Variants in ZNF571 observed in about 807,000 individuals in gnomAD.
ZNF571 encodes the protein zinc finger protein 571.
ZNF571 carries 4 observed loss-of-function variants against 7.7 expected under a neutral mutation model. The ratio of observed to expected loss-of-function variants is 0.52; its 90% confidence interval spans 0.25 to 1.18. ZNF571 has a LOEUF of 1.18. Ranked by LOEUF, ZNF571 falls within the 50% of genes most tolerant of loss-of-function variation. The pLI, the probability that ZNF571 is intolerant of heterozygous loss-of-function variation, is 0.14. For synonymous variants in ZNF571, 251 were observed against 232.4 expected, an observed-to-expected ratio of 1.08 and a Z score of -0.73; for missense variants, 704 against 726.9, an observed-to-expected ratio of 0.97 and a Z score of 0.36.
intron 3 of ZNF571, among the ~76,000 whole-genome samples, chr19:37,577,687 G>A (rs1408097037): frequency 3.9e-5 from 6 of 152,014 alleles, no homozygotes; most frequent in Non-Finnish European, 7.4e-5. Flanking sequence ...GGTGATAGCC[G>A]GCTATTCAGA....
intron 3 of ZNF571, among the ~76,000 whole-genome samples, chr19:37,575,186 C>T (rs950270110): frequency 6.6e-6 from 1 of 152,166 alleles, no homozygotes; most frequent in Non-Finnish European, 1.5e-5. Context: ...TATGTCAGTA[C>T]TGAGAAAATA....
chr19:37,565,948 A>G lies in ZNF571; in HGVS notation c.480T>C (p.Asn160=), dbSNP rs1308150292. 1.2e-6 allele frequency: 2 copies of G among 1,613,750 alleles called. No individual in the cohort carries two copies. Among genetic ancestry groups the G allele is most frequent in the African/African-American group, 1.3e-5 (1 of 75,012 alleles). The change falls in exon 4 of 4, where the codon AAT becomes AAC. Residue 160 remains asparagine (N), a synonymous_variant. Transcript: ENST00000451802. ...CTTCAGAGCATTTTTCTATATTATG[A>G]TTTTCCTCATGTTGAATAAGGCATG... ...YLSCLIQHEE[N]HNIEKCSEVK...
At chr19:37,582,723 AT>A (rs771355467) in intron 3 of ZNF571, among the ~76,000 whole-genome samples, 4 of 152,182 alleles carry the variant, frequency 2.6e-5, no homozygotes, top group Non-Finnish European at 4.4e-5. Flanking sequence ...AATCTTCAAA[AT>A]AACTCCATTA....
chr19:37,572,385 T>TGATGA (rs1370649441), intron 3 of ZNF571, among the ~76,000 whole-genome samples: 1 of 152,226 alleles, frequency 6.6e-6, no homozygotes, highest in African/African-American at 2.4e-5. Flanking sequence ...CTGAATAGTA[T>TGATGA]GATGAAATCT....
intron 1 of ZNF571, among the ~76,000 whole-genome samples, chr19:37,592,972 TATCTGGATCCAG>T (rs1235837072): frequency 6.6e-6 from 1 of 152,248 alleles, no homozygotes; most frequent in Non-Finnish European, 1.5e-5. Flanking sequence ...GTGTGGACTC[TATCTGGATCCAG>T]ATTTGAACAC....
chr19:37,573,006 ATGAT>A (rs1288891523), intron 3 of ZNF571, among the ~76,000 whole-genome samples: 1 of 152,142 alleles, frequency 6.6e-6, no homozygotes, highest in African/African-American at 2.4e-5. Flanking sequence ...CTTTCATCAC[ATGAT>A]TGATTATAGA....
At chr19:37,585,698 A>G (rs1332086554) in intron 2 of ZNF571, 1 of 152,226 alleles carries the variant, frequency 6.6e-6, no homozygotes, top group African/African-American at 2.4e-5. Flanking sequence ...TAAACTTTCA[A>G]GTGACAAGTG....
chr19:37,566,265 T>A lies in ZNF571; in HGVS notation c.163A>T (p.Lys55Ter), dbSNP rs1386995560. 6.8e-6 allele frequency: 11 copies of A among 1,612,476 alleles called. No individual in the cohort carries two copies. The highest frequency in any genetic ancestry group is 9.3e-6 in the Non-Finnish European group (11 of 1,179,264). Reference protein sequence around the residue: ...LDLESSCVTKKLSPEKEIYEM... With the variant: ...LDLESSCVTK ...TAAATTTCCTTTTCTGGAGATAACT[T>A]TTTGGTCACACAACTGGATTCCAAG... Residue 55 changes from lysine to a stop codon, truncating the protein, a stop_gained, in exon 4 of 4, where the codon AAG (lysine) becomes TAG (stop). Coordinates refer to ENST00000451802, the MANE Select transcript of ZNF571 (RefSeq NM_016536.5). LOFTEE classifies it low-confidence loss of function (END_TRUNC).
intron 3 of ZNF571, among the ~76,000 whole-genome samples, chr19:37,582,516 A>G (rs935995856): frequency 2.6e-5 from 4 of 152,086 alleles, no homozygotes; most frequent in Admixed American, 1.3e-4. Flanking sequence ...GTCTAAACCA[A>G]TTCGCTCCAT....
chr19:37,585,577 C>T (rs2043642579), intron 2 of ZNF571: 1 of 152,134 alleles, frequency 6.6e-6, no homozygotes, highest in African/African-American at 2.4e-5. Context: ...CCCTTAAAAA[C>T]CCCTGATATG....
chr19:37,590,134 C>T (rs891251614), intron 1 of ZNF571, among the ~76,000 whole-genome samples: 24 of 151,362 alleles, frequency 1.6e-4, no homozygotes, highest in Non-Finnish European at 3.2e-4. Context: ...GCTGGGCATG[C>T]GGTGGCTCAT....
chr19:37,592,990 A>C (rs2043910706), intron 1 of ZNF571, among the ~76,000 whole-genome samples: 2 of 152,228 alleles, frequency 1.3e-5, no homozygotes, highest in Admixed American at 1.3e-4. Context: ...TCCAGATTTG[A>C]ACACACCTAT....
chr19:37,579,033 C>T (rs1458190653), intron 3 of ZNF571, among the ~76,000 whole-genome samples: 3 of 152,128 alleles, frequency 2.0e-5, no homozygotes, highest in African/African-American at 7.2e-5. Flanking sequence ...ACAGCACAGC[C>T]GCCCTGCCCC....
rs763590603 is a variant in ZNF571 at position 37,565,301 on chromosome 19, G to A, written c.1127C>T (p.Ser376Leu). The A allele has an allele frequency of 1.2e-6, 2 of 1,610,394 alleles. No homozygotes were observed. The highest frequency in any genetic ancestry group is 1.7e-6 in the Non-Finnish European group (2 of 1,178,492). ...AACTCTCAGGTGGTAAGTAAGTTGT[G>A]AGCCACGAAAAAAGGTCTTCCCGCA... ...KECGKTFFRG[S>L]QLTYHLRVHS... Residue 376 changes from serine to leucine, a missense_variant, in exon 4 of 4, where the codon TCA (serine) becomes TTA (leucine). Physicochemically the swap from Ser to Leu is moderately radical, Grantham distance 145. Coordinates refer to ENST00000451802, the MANE Select transcript of ZNF571 (RefSeq NM_016536.5).
At chr19:37,577,948 A>G (rs1475744920) in intron 3 of ZNF571, among the ~76,000 whole-genome samples, 1 of 152,206 alleles carries the variant, frequency 6.6e-6, no homozygotes, top group Non-Finnish European at 1.5e-5. Context: ...GCAGGAGGTG[A>G]GCAGTGGGCG....
intron 1 of ZNF571, chr19:37,594,279 G>C (rs1170402383): frequency 6.6e-6 from 1 of 152,276 alleles, no homozygotes; most frequent in Non-Finnish European, 1.5e-5. Context: ...AATGATGTCC[G>C]TGTCACACGA....
chr19:37,574,676 C>A (rs1471648100), intron 3 of ZNF571, among the ~76,000 whole-genome samples: 1 of 152,140 alleles, frequency 6.6e-6, no homozygotes, highest in Non-Finnish European at 1.5e-5. Context: ...AAACATAGCA[C>A]CAGTTTTAGT....
At chr19:37,570,067 G>A (rs1304602199) in intron 3 of ZNF571, 1 of 152,092 alleles carries the variant, frequency 6.6e-6, no homozygotes. Context: ...AGCTCTTAGT[G>A]TAATAGCCTT....
chr19:37,565,413 C>T lies in ZNF571; in HGVS notation c.1015G>A (p.Glu339Lys). ...HTGEKPYICK[E>K]CGKAFLCASQ... ...GCACATAAAAAGGCTTTCCCACATT[C>T]TTTACATATGTAAGGCTTTTCACCA... is the stretch of plus-strand genomic sequence containing the variant. The change falls in exon 4 of 4, where the codon GAA becomes AAA. Residue 339 changes from glutamate to lysine, a missense_variant. By Grantham distance (56) the Glu-to-Lys change is moderately conservative. Coordinates refer to ENST00000451802, the MANE Select transcript of ZNF571 (RefSeq NM_016536.5). 6.2e-7 allele frequency: 1 copy of T among 1,613,588 alleles called. No homozygotes were observed. Among genetic ancestry groups the T allele is most frequent in the African/African-American group, 1.3e-5 (1 of 74,936 alleles).
Sources: allele counts gnomAD v4.1 joint callset (sites outside exome capture counted in the v4.1 genomes callset), GRCh38; gene constraint gnomAD v4.1.1; transcripts MANE v1.5; gene names NCBI Gene and HGNC (gene_info 2026-07-23, HGNC 2026-07-21).